NFRKB: variants seen among roughly 807,000 people sequenced by gnomAD.
The protein encoded by NFRKB is nuclear factor related to kappaB binding protein, also known as nuclear factor related to kappa-B-binding protein.
In NFRKB, 62 loss-of-function variants were observed where a neutral mutation model predicts 135.7. The ratio of observed to expected loss-of-function variants is 0.46; its 90% CI spans 0.37 to 0.56. The LOEUF (loss-of-function observed/expected upper bound fraction) is 0.56. Ranked by LOEUF, NFRKB falls within the 20% of genes least tolerant of loss-of-function variation. The probability of loss-of-function intolerance (pLI) is 0.00; values close to 1 mark genes in which losing one functional copy is unlikely to be tolerated. For synonymous variants in NFRKB, 678 were observed against 635.6 expected (o/e 1.07, Z -1.00); for missense variants, 1,545 against 1,662.0 (o/e 0.93, Z 1.22).
intron 24 of NFRKB, among the ~76,000 whole-genome samples, chr11:129,869,232 T>C (rs895540984): frequency 6.6e-6 from 1 of 152,200 alleles, no homozygotes; most frequent in African/African-American, 2.4e-5. Context: ...TTGAAAAGAA[T>C]GTATGCAAGT....
In NFRKB at chr11:129,878,450, T is replaced by C. The variant is rs1948875950; in HGVS notation, c.1464+14A>G. 10 of 1,613,754 alleles carry C rather than the reference T, an allele frequency of 6.2e-6. No individual in the cohort carries two copies. The highest frequency in any genetic ancestry group is 8.5e-6 in the Non-Finnish European group (10 of 1,179,728). On this transcript the variant is annotated intron_variant, in intron 14 of 26. Transcript: ENST00000682444. ...CCCAGTGAGAAGGATCTGGTATTTC[T>C]TAAAAAAACATACCTTACAGAAGGC...
intron 8 of NFRKB, 83 bp downstream of exon 8, chr11:129,883,987 T>A (rs1343565876): frequency 7.3e-7 from 1 of 1,373,418 alleles, no homozygotes; most frequent in Non-Finnish European, 1.0e-6. Context: ...GACGAGGCAG[T>A]GATGCCCCGT....
At chr11:129,875,263 A>T in intron 18 of NFRKB, 94 bp downstream of exon 18, 1 of 1,053,424 alleles carries the variant, frequency 9.5e-7, no homozygotes, top group Non-Finnish European at 1.4e-6. Context: ...CACTTCATTC[A>T]GTTTTTAAAA....
chr11:129,865,986 A>AG lies in NFRKB; in HGVS notation c.3532-4dup. On this transcript the variant is annotated splice_region_variant and splice_polypyrimidine_tract_variant and intron_variant, in intron 24 of 26. Transcript: ENST00000682444. ...GTGATCCGTGTAGGCAACTTCCCCTAGAAAAAAAAAGCAGTCAGGTTTTGT... is the reference window on the plus strand; with the variant it reads ...GTGATCCGTGTAGGCAACTTCCCCTAGGAAAAAAAAAGCAGTCAGGTTTTGT... 1 of 1,583,284 alleles carries AG rather than the reference A, an allele frequency of 6.3e-7. No individual in the cohort carries two copies.
chr11:129,890,233 A>G (rs991641560), intron 3 of NFRKB, among the ~76,000 whole-genome samples: 1 of 152,096 alleles, frequency 6.6e-6, no homozygotes, highest in Non-Finnish European at 1.5e-5. Flanking sequence ...CACTCCAGGC[A>G]TCTTTGCATG....
intron 4 of NFRKB, among the ~76,000 whole-genome samples, chr11:129,886,992 T>G (rs1949310342): frequency 2.0e-5 from 3 of 152,206 alleles, no homozygotes; most frequent in Non-Finnish European, 4.4e-5. Flanking sequence ...TTTACACCCT[T>G]AATATAATGC....
At chr11:129,883,526 C>T (rs369132576) in intron 8 of NFRKB, among the ~76,000 whole-genome samples, 13 of 152,156 alleles carry the variant, frequency 8.5e-5, no homozygotes, top group African/African-American at 2.2e-4. Context: ...TGGAAATGGG[C>T]TTTAGAGAAG....
chr11:129,880,354 C>G (rs1948971252), intron 13 of NFRKB, among the ~76,000 whole-genome samples: 1 of 152,180 alleles, frequency 6.6e-6, no homozygotes, highest in Admixed American at 6.5e-5. Flanking sequence ...TTCCCCACAG[C>G]CAAGCCATAA....
Position 129,892,813 on chromosome 11 carries a change from C to G in NFRKB, c.37G>C (p.Glu13Gln), listed in dbSNP as rs1490113559. The change falls in exon 3 of 27, where the codon GAA becomes CAA. Residue 13 changes from glutamate (E) to glutamine (Q), a missense_variant. By Grantham distance (29) the Glu-to-Gln change is conservative. Coordinates refer to ENST00000682444, the MANE Select transcript of NFRKB (RefSeq NM_001143835.2). ...TGGCCATCTCCACACGGACCAAGTTCCAGAGGATCTGTCAGCATATGGTCT... is the reference window on the plus strand; with the variant it reads ...TGGCCATCTCCACACGGACCAAGTTGCAGAGGATCTGTCAGCATATGGTCT... ...SLDHMLTDPL[E>Q]LGPCGDGHGT... 6.2e-7 allele frequency: 1 copy of G among 1,614,202 alleles called. No individual in the cohort carries two copies. Among genetic ancestry groups the G allele is most frequent in the Admixed American group, 1.7e-5 (1 of 60,024 alleles).
At chr11:129,883,959 T>C (rs1949149907) in intron 8 of NFRKB, 111 bp downstream of exon 8, 3 of 1,130,208 alleles carry the variant, frequency 2.7e-6, no homozygotes, top group Non-Finnish European at 4.1e-6. Flanking sequence ...GTGCCCACAG[T>C]GGTAGGGAGG....
chr11:129,868,614 C>T (rs1299481172), intron 24 of NFRKB, among the ~76,000 whole-genome samples: 3 of 152,194 alleles, frequency 2.0e-5, no homozygotes, highest in African/African-American at 7.2e-5. Context: ...TTCGCCACTG[C>T]CTGGCTAACA....
rs148924465 is a variant in NFRKB, at chr11:129,886,714, G to A, written c.338-270C>T. 3.3e-3 allele frequency among the ~76,000 whole-genome samples: 506 copies of A among 152,302 alleles called. 5 individuals carry two copies. Among genetic ancestry groups the A allele is most frequent in the African/African-American group, 0.012 (480 of 41,544 alleles). On this transcript the variant is annotated intron_variant, in intron 4 of 26. Transcript: ENST00000682444. ...ACTGACACATGGCATGGGTCAGAGT[G>A]GAATATGCAGGAAGTCCTGCCTTGA...
chr11:129,893,229 T>C, intron 2 of NFRKB: 4 of 582,876 alleles, frequency 6.9e-6, no homozygotes, highest in South Asian at 6.5e-5. Flanking sequence ...CACAATGTAA[T>C]TTCTGTAACA....
At chr11:129,888,470 T>C in intron 4 of NFRKB, 124 bp downstream of exon 4, 1 of 1,016,998 alleles carries the variant, frequency 9.8e-7, no homozygotes, top group Non-Finnish European at 1.5e-6. Context: ...ACAAAACCGC[T>C]CTTTGCTGCC....
rs1948170691 is a variant in NFRKB, at chr11:129,865,960, T to C, written c.3555A>G (p.Thr1185=). ...GCTGGCTGATCACAGAGAGGGGAAC[T>C]GTGATCCGTGTAGGCAACTTCCCCT... ...SQAGKLPTRI[T]VPLSVISQPM... is the part of the protein sequence containing the mutation. Residue 1185 remains threonine (T), a synonymous_variant, in exon 25 of 27, where the codon ACA becomes ACG. Transcript: ENST00000682444. 1 of 1,612,484 alleles carries C rather than the reference T, an allele frequency of 6.2e-7. No homozygotes were observed. Among genetic ancestry groups the C allele is most frequent in the Non-Finnish European group, 8.5e-7 (1 of 1,179,502 alleles).
chr11:129,877,870 A>C (rs1342293150), intron 15 of NFRKB, among the ~76,000 whole-genome samples: 1 of 152,162 alleles, frequency 6.6e-6, no homozygotes, highest in African/African-American at 2.4e-5. Context: ...CCAGGGAAGA[A>C]AAAGAAACAT....
At chr11:129,877,043 C>G in intron 16 of NFRKB, 148 bp from the exon 17 acceptor site, 1 of 893,184 alleles carries the variant, frequency 1.1e-6, no homozygotes, top group Non-Finnish European at 1.7e-6. Context: ...GTTCAGCCAA[C>G]CACAGTGGGA....
chr11:129,876,057 G>A (rs1948752338), intron 17 of NFRKB, among the ~76,000 whole-genome samples: 1 of 152,148 alleles, frequency 6.6e-6, no homozygotes, highest in South Asian at 2.1e-4. Flanking sequence ...CTGAAATTAA[G>A]TATTTCCTTT....
rs1949684787 is a variant in NFRKB, at chr11:129,894,406, G to A, written c.-69C>T. On this transcript the variant is annotated 5_prime_UTR_variant, in exon 2 of 27. Transcript: ENST00000682444. ...ATTTGAGGAAGGGAAGCTGGACCAGGTCCTCCCTCCCGTTATTTCCAATTC... is the reference window on the plus strand; with the variant it reads ...ATTTGAGGAAGGGAAGCTGGACCAGATCCTCCCTCCCGTTATTTCCAATTC... 1 of 152,194 alleles carries A rather than the reference G, an allele frequency of 6.6e-6. No homozygotes were observed. The allele number at this position is 152,194 out of a possible 1,614,324, so 9.4% of individuals were successfully genotyped here.
Sources: gnomAD v4.1 joint callset for allele counts (sites outside exome capture counted in the v4.1 genomes callset) on GRCh38, gnomAD v4.1.1 for gene constraint, MANE v1.5 for transcripts, NCBI Gene and HGNC (gene_info 2026-07-23, HGNC 2026-07-21) for gene names.